The following SMAD2 variants were observed in gnomAD, a reference collection of about 807,000 sequenced individuals.
SMAD2 encodes MAD homolog 2.
Under a neutral mutation model 64.4 loss-of-function variants are expected in SMAD2, and 8 were observed. That is an observed-to-expected ratio of 0.12 (90% CI 0.07 to 0.22). SMAD2 has a LOEUF of 0.22. Among genes scored for constraint, SMAD2 ranks in the 10% least tolerant of loss-of-function variants. The pLI, the probability that SMAD2 is intolerant of heterozygous loss-of-function variation, is 1.00. For synonymous variants in SMAD2, 203 were observed against 195.8 expected, an observed-to-expected ratio of 1.04 and a Z score of -0.31; for missense variants, 289 against 561.2, an observed-to-expected ratio of 0.51 and a Z score of 4.90.
rs763560898 is a variant in SMAD2, at chr18:47,818,972, T to A, written c.*22855A>T. 18 of 152,240 alleles carry A rather than the reference T, an allele frequency of 1.2e-4. No homozygotes were observed. The highest frequency in any genetic ancestry group is 2.5e-4 in the Non-Finnish European group (17 of 68,028). 9.4% of individuals were successfully genotyped at this position (152,240 alleles called of 1,614,324 possible). A position where few individuals can be genotyped will look rare whatever the true frequency, so the allele number is the denominator to read the frequency against. On this transcript the variant is annotated 3_prime_UTR_variant, in exon 11 of 11. Transcript: ENST00000262160. ...TTCTAAAATGAAAGCTATGTTTGTG[T>A]ATGTGTATGTTTAGGTGTGTTTACA...
rs11349317 is a variant in SMAD2, at chr18:47,813,711, A to ATTTTTTTTTTTTTTTTTT, written c.*28098_*28115dup. The stretch of plus-strand genomic sequence containing the variant: ...ATGAGCCACTGTACCCGGCCCCACA[A>ATTTTTTTTTTTTTTTTTT]TTTTTTTTTTTTTTTTTTTTTGGAG... On this transcript the variant is annotated 3_prime_UTR_variant, in exon 11 of 11. Transcript: ENST00000262160. The ATTTTTTTTTTTTTTTTTT allele has an allele frequency of 9.5e-5, 8 of 84,574 alleles. 1 individual carries two copies. The highest frequency in any genetic ancestry group is 1.8e-4 in the Admixed American group (1 of 5,698). The allele number at this position is 84,574 out of a possible 1,614,324, so 5.2% of individuals were successfully genotyped here.
intron 6 of SMAD2, among the ~76,000 whole-genome samples, chr18:47,862,094 C>G (rs2031231799): frequency 6.6e-6 from 1 of 151,960 alleles, no homozygotes; most frequent in South Asian, 2.1e-4. Flanking sequence ...TCTAGGAGTA[C>G]AAAAAACTAG....
At chr18:47,915,131 G>A (rs2034283814) in intron 1 of SMAD2, among the ~76,000 whole-genome samples, 1 of 152,106 alleles carries the variant, frequency 6.6e-6, no homozygotes, top group Non-Finnish European at 1.5e-5. Context: ...GCATTTTGCA[G>A]TACTTGATCA....
At chr18:47,869,558 AGTTT>A (rs970748337) in intron 3 of SMAD2, 122 bp from the exon 4 acceptor site, 6 of 724,290 alleles carry the variant, frequency 8.3e-6, no homozygotes, top group East Asian at 8.1e-5. Flanking sequence ...CCATTTAGTT[AGTTT>A]TAGTGAGAAT....
At chr18:47,916,585 G>C (rs915519203) in intron 1 of SMAD2, among the ~76,000 whole-genome samples, 1 of 151,906 alleles carries the variant, frequency 6.6e-6, no homozygotes, top group Non-Finnish European at 1.5e-5. Context: ...TTGTATTTTT[G>C]ATAGAGATAG....
At position 47,815,790 on chromosome 18, in the gene SMAD2, T is replaced by C. The variant is rs1002926560; in HGVS notation, c.*26037A>G. On this transcript the variant is annotated 3_prime_UTR_variant, in exon 11 of 11. Transcript: ENST00000262160. ...GTAGTTATGGGGCTTGCAAGGACAT[T>C]GTCTTAATTTTCCTGTTGTCTTAAC... 2.0e-5 allele frequency: 3 copies of C among 152,224 alleles called. No homozygotes were observed. The highest frequency in any genetic ancestry group is 1.3e-4 in the Admixed American group (2 of 15,288). 9.4% of individuals were successfully genotyped at this position (152,224 alleles called of 1,614,324 possible).
rs1299053150 is a variant in SMAD2, at chr18:47,930,303, G to C, written c.-54+58C>G. The C allele has an allele frequency of 2.6e-5, 4 of 152,348 alleles. No individual in the cohort carries two copies. In the East Asian group the frequency reaches 7.8e-4, roughly 30 times the overall value. The allele number at this position is 152,348 out of a possible 1,614,324, so 9.4% of individuals were successfully genotyped here. A position where few individuals can be genotyped will look rare whatever the true frequency, so the allele number is the denominator to read the frequency against. On this transcript the variant is annotated intron_variant, in intron 1 of 10. Coordinates refer to ENST00000262160, the MANE Select transcript of SMAD2 (RefSeq NM_005901.6). The stretch of plus-strand genomic sequence containing the variant: ...CCATGTGACACGGCCCATCGCCCCG[G>C]CCGCGGACGCACGCAAACACTTCCC...
In SMAD2 at chr18:47,827,681, C is replaced by T. The variant is rs1273612699; in HGVS notation, c.*14146G>A. ...TTTTTTGGTGGAGACGGGGTTTCGC[C>T]GTGTTGGCCAGGCTGGTCTCCAGCT... On this transcript the variant is annotated 3_prime_UTR_variant, in exon 11 of 11. Coordinates refer to ENST00000262160, the MANE Select transcript of SMAD2 (RefSeq NM_005901.6). The T allele has an allele frequency of 1.3e-5, 2 of 157,886 alleles. No homozygotes were observed. The highest frequency in any genetic ancestry group is 2.8e-5 in the Non-Finnish European group (2 of 71,982). The allele number at this position is 157,886 out of a possible 1,614,324, so 9.8% of individuals were successfully genotyped here.
In SMAD2 at chr18:47,850,471, A is replaced by G. The variant is rs1213286732; in HGVS notation, c.784+803T>C. On this transcript the variant is annotated intron_variant, in intron 7 of 10. Transcript: ENST00000262160. ...ATATATTATATATTATACATAATAT[A>G]TATTATATATTATATATTATGTATA... Among the ~76,000 whole-genome samples the G allele has an allele frequency of 5.0e-4, 12 of 24,112 alleles. 3 individuals carry two copies. Among genetic ancestry groups the G allele is most frequent in the African/African-American group, 2.4e-3 (12 of 5,060 alleles). The allele number at this position is 24,112 out of a possible 152,430, so 15.8% of individuals were successfully genotyped here.
intron 10 of SMAD2, among the ~76,000 whole-genome samples, chr18:47,842,193 T>G (rs1468238471): frequency 6.6e-6 from 1 of 152,162 alleles, no homozygotes; most frequent in Admixed American, 6.5e-5. Flanking sequence ...AAGGTGATCT[T>G]ATTATTCACC....
At chr18:47,867,913 T>TATTTCTTAG (rs2031684754) in intron 5 of SMAD2, among the ~76,000 whole-genome samples, 2 of 152,178 alleles carry the variant, frequency 1.3e-5, no homozygotes, top group Non-Finnish European at 2.9e-5. Flanking sequence ...TTCTGTTAAA[T>TATTTCTTAG]ATTACCAAGT....
rs1377848676 is a variant in SMAD2 at position 47,836,786 on chromosome 18, T to C, written c.*5041A>G. On this transcript the variant is annotated 3_prime_UTR_variant, in exon 11 of 11. Transcript: ENST00000262160. ...AATGCTATCATGAGGCTATCTAGTATAGCTCATATTTCCTGGTTGTAAGGC... is the reference window on the plus strand; with the variant it reads ...AATGCTATCATGAGGCTATCTAGTACAGCTCATATTTCCTGGTTGTAAGGC... The C allele has an allele frequency of 9.1e-6, 2 of 219,270 alleles. No individual in the cohort carries two copies. The highest frequency in any genetic ancestry group is 2.3e-5 in the African/African-American group (1 of 44,432). 13.6% of individuals were successfully genotyped at this position (219,270 alleles called of 1,614,324 possible).
chr18:47,863,758 C>T (rs2031360048), intron 6 of SMAD2, among the ~76,000 whole-genome samples: 1 of 152,106 alleles, frequency 6.6e-6, no homozygotes, highest in Non-Finnish European at 1.5e-5. Flanking sequence ...CATAAATGGT[C>T]ATGTACAAGT....
At chr18:47,929,894 G>T (rs1239539639) in intron 1 of SMAD2, among the ~76,000 whole-genome samples, 1 of 152,086 alleles carries the variant, frequency 6.6e-6, no homozygotes, top group Non-Finnish European at 1.5e-5. Context: ...GTGAGTGAAG[G>T]ATGATCACAG....
chr18:47,868,138 A>G (rs1568063562), intron 5 of SMAD2, 185 bp downstream of exon 5: 1 of 592,794 alleles, frequency 1.7e-6, no homozygotes, highest in African/African-American at 1.9e-5. Flanking sequence ...CTCTTCTCCA[A>G]ACAAAACTGT....
At chr18:47,923,422 C>G (rs1421513588) in intron 1 of SMAD2, 1 of 152,206 alleles carries the variant, frequency 6.6e-6, no homozygotes, top group Non-Finnish European at 1.5e-5. Context: ...TGTAAATGTC[C>G]TTGGGTATCT....
At position 47,869,412 on chromosome 18, in the gene SMAD2, T is replaced by G. The variant is rs180698202; in HGVS notation, c.351A>C (p.Val117=). The change falls in exon 4 of 11, where the codon GTA becomes GTC. Residue 117 remains valine (V), a synonymous_variant. Coordinates refer to ENST00000262160, the MANE Select transcript of SMAD2 (RefSeq NM_005901.6). ...CATGTGGCAATCCTTTTCGATGGGA[T>G]ACCTGGAGACGACCATCAAGAGACC... is the stretch of plus-strand genomic sequence containing the variant. ...QTRSLDGRLQ[V]SHRKGLPHVI... is the part of the protein sequence containing the mutation. 2.5e-6 allele frequency: 4 copies of G among 1,608,784 alleles called. No individual in the cohort carries two copies. Among genetic ancestry groups the G allele is most frequent in the African/African-American group, 2.7e-5 (2 of 73,264 alleles).
intron 1 of SMAD2, among the ~76,000 whole-genome samples, chr18:47,928,373 T>C (rs1269081696): frequency 2.6e-5 from 4 of 152,192 alleles, no homozygotes; most frequent in Admixed American, 1.3e-4. Flanking sequence ...AGTTTTTCCA[T>C]TGACATATAT....
intron 1 of SMAD2, among the ~76,000 whole-genome samples, chr18:47,916,317 G>C (rs899825854): frequency 5.3e-5 from 8 of 152,138 alleles, no homozygotes; most frequent in Non-Finnish European, 1.2e-4. Flanking sequence ...CTCACGTTTG[G>C]TTGCACTTGC....
Sources: allele counts gnomAD v4.1 joint callset (sites outside exome capture counted in the v4.1 genomes callset), GRCh38; gene constraint gnomAD v4.1.1; transcripts MANE v1.5; gene names NCBI Gene and HGNC (gene_info 2026-07-23, HGNC 2026-07-21).